ARHGAP21: variants seen among roughly 807,000 people sequenced by gnomAD.
ARHGAP21 encodes Rho GTPase activating protein 21.
A neutral mutation model predicts 164.6 loss-of-function variants in ARHGAP21; 38 were observed. The ratio of observed to expected loss-of-function variants is 0.23; its 90% CI spans 0.18 to 0.30. ARHGAP21 has a LOEUF of 0.30. Ranked by LOEUF, ARHGAP21 falls within the 10% of genes least tolerant of loss-of-function variation. The pLI is 1.00. For synonymous variants in ARHGAP21, 766 were observed against 857.9 expected (o/e 0.89, Z 1.87); for missense variants, 1,822 against 2,370.7 (o/e 0.77, Z 4.81).
At chr10:24,717,546 A>G (rs998554221) in intron 2 of ARHGAP21, among the ~76,000 whole-genome samples, 17 of 152,146 alleles carry the variant, frequency 1.1e-4, no homozygotes, top group African/African-American at 3.9e-4. Flanking sequence ...TATGATGAGT[A>G]AAAATCAGCC....
chr10:24,669,893 C>T (rs1840535083), intron 3 of ARHGAP21, among the ~76,000 whole-genome samples: 1 of 152,042 alleles, frequency 6.6e-6, no homozygotes, highest in African/African-American at 2.4e-5. Flanking sequence ...GCATAGTCTG[C>T]CCAGAAAACT....
At position 24,685,650 on chromosome 10, in the gene ARHGAP21, C is replaced by T. The variant is rs574681958; in HGVS notation, c.64-15253G>A. ...CAGCACTTTGGGAGGCCGAGGTGGG[C>T]GGATCACTTGAGGTCAGGAGTTCAA... On this transcript the variant is annotated intron_variant, in intron 2 of 25. Coordinates refer to ENST00000396432, the MANE Select transcript of ARHGAP21 (RefSeq NM_020824.4). Among the ~76,000 whole-genome samples the T allele has an allele frequency of 2.8e-3, 428 of 151,650 alleles. 2 individuals carry two copies. The highest frequency in any genetic ancestry group is 9.6e-3 in the African/African-American group (398 of 41,328).
At chr10:24,589,519 C>T (rs1187436403) in intron 24 of ARHGAP21, 5 of 479,594 alleles carry the variant, frequency 1.0e-5, no homozygotes, top group Non-Finnish European at 1.8e-5. Context: ...GCAGAACCAG[C>T]TCAATGATAG....
At chr10:24,640,788 A>G (rs1011484833) in intron 4 of ARHGAP21, among the ~76,000 whole-genome samples, 10 of 152,048 alleles carry the variant, frequency 6.6e-5, no homozygotes, top group South Asian at 2.1e-4. Context: ...ACTGCCACAG[A>G]AAAAAAACAG....
intron 24 of ARHGAP21, chr10:24,590,055 G>T: frequency 2.0e-6 from 1 of 499,852 alleles, no homozygotes; most frequent in Non-Finnish European, 2.8e-6. Flanking sequence ...GTAGGAAGGG[G>T]CTAGCAATAT....
rs201814092 is a variant in ARHGAP21, at chr10:24,586,041, A to G, written c.4248T>C (p.Ala1416=). 76 of 1,614,098 alleles carry G rather than the reference A, an allele frequency of 4.7e-5. No homozygotes were observed. The highest frequency in any genetic ancestry group is 1.7e-4 in the Admixed American group (10 of 60,014). Residue 1416 remains alanine, a synonymous_variant, in exon 26 of 26, where the codon GCT becomes GCC. Coordinates refer to ENST00000396432, the MANE Select transcript of ARHGAP21 (RefSeq NM_020824.4). ...RELLVSSIFA[A]ASRKRKKPKE... ...TCGGCTTCTTCCTCTTGCGACTAGC[A>G]GCTGCAAAGATGGAGGACACAAGCA...
intron 6 of ARHGAP21, among the ~76,000 whole-genome samples, chr10:24,630,370 A>C (rs1008874637): frequency 6.6e-6 from 1 of 152,252 alleles, no homozygotes; most frequent in Non-Finnish European, 1.5e-5. Flanking sequence ...ACAAACTCTT[A>C]ACAATATCAG....
Position 24,624,337 on chromosome 10 carries a change from C to CTTTTTT in ARHGAP21, c.496-1581_496-1576dup, listed in dbSNP as rs565872094. Among the ~76,000 whole-genome samples, 460 of 102,860 alleles carry CTTTTTT rather than the reference C, an allele frequency of 4.5e-3. 44 individuals are homozygous for CTTTTTT. Among genetic ancestry groups the CTTTTTT allele is most frequent in the East Asian group, 0.013 (47 of 3,520 alleles). 67.5% of individuals were successfully genotyped at this position (102,860 alleles called of 152,430 possible). On this transcript the variant is annotated intron_variant, in intron 7 of 25. Transcript: ENST00000396432. ...CTGCCTGGGAAATGCTGTTCTAGAA[C>CTTTTTT]TTTTTTTTTTTTTTTTTTTTGAGAC...
In ARHGAP21 at chr10:24,633,444, A is replaced by G. The variant is rs1283719072; in HGVS notation, c.398T>C (p.Ile133Thr). 4.3e-6 allele frequency: 7 copies of G among 1,611,876 alleles called. No individual in the cohort carries two copies. The highest frequency in any genetic ancestry group is 5.9e-6 in the Non-Finnish European group (7 of 1,179,002). Residue 133 changes from isoleucine to threonine, a missense_variant, in exon 6 of 26, where the codon ATT becomes ACT. Around this residue, in one of 5 missense-constraint regions of ARHGAP21, gnomAD observed 1,090 missense variants for 1,378.9 expected, o/e 0.79. Transcript: ENST00000396432. ...RIIKVNGESV[I>T]GKTYSQVIAL... ...AATTACTTGGGAATAGGTTTTGCCA[A>G]TAACACTTTCTCCATTGACTTTTAT...
At chr10:24,616,319 G>A (rs1275266643) in intron 9 of ARHGAP21, among the ~76,000 whole-genome samples, 4 of 152,118 alleles carry the variant, frequency 2.6e-5, no homozygotes, top group African/African-American at 9.7e-5. Context: ...AGAAGGGCTG[G>A]GTGCTCATTG....
At chr10:24,589,054 C>G (rs992293496) in intron 25 of ARHGAP21, among the ~76,000 whole-genome samples, 1 of 152,074 alleles carries the variant, frequency 6.6e-6, no homozygotes, top group African/African-American at 2.4e-5. Flanking sequence ...TATGCTAAAA[C>G]TGCACAATGA....
At chr10:24,614,407 G>A (rs1170011925) in intron 9 of ARHGAP21, among the ~76,000 whole-genome samples, 1 of 152,102 alleles carries the variant, frequency 6.6e-6, no homozygotes, top group Non-Finnish European at 1.5e-5. Flanking sequence ...TTGTTAGGGG[G>A]CTTTTGAGAT....
chr10:24,596,414 C>A (rs529843227), intron 17 of ARHGAP21: 3 of 485,118 alleles, frequency 6.2e-6, no homozygotes, highest in African/African-American at 6.1e-5. Flanking sequence ...TATGCACATA[C>A]ATTTACATGT....
chr10:24,585,796 G>T lies in ARHGAP21; in HGVS notation c.4493C>A (p.Thr1498Lys), dbSNP rs144805251. 3.7e-6 allele frequency: 6 copies of T among 1,613,894 alleles called. No homozygotes were observed. Among genetic ancestry groups the T allele is most frequent in the Non-Finnish European group, 3.4e-6 (4 of 1,179,858 alleles). Reference sequence around the variant, plus strand: ...TGGTGGTGAGGGTTCTTCAGAAGGCGTGCTCTCTTTTCCTAGTGATATCTT... The same window carrying T: ...TGGTGGTGAGGGTTCTTCAGAAGGCTTGCTCTCTTTTCCTAGTGATATCTT... Reference protein sequence around the residue: ...DEKISLGKESTPSEEPSPPHN... With the variant: ...DEKISLGKESKPSEEPSPPHN... Residue 1498 changes from threonine (T) to lysine (K), a missense_variant, in exon 26 of 26, where the codon ACG becomes AAG. Around this residue, in one of 5 missense-constraint regions of ARHGAP21, gnomAD observed 333 missense variants for 383.9 expected, o/e 0.87. Coordinates refer to ENST00000396432, the MANE Select transcript of ARHGAP21 (RefSeq NM_020824.4).
rs2076015382 is a variant in ARHGAP21 at position 24,584,471 on chromosome 10, G to A, written c.5818C>T (p.Gln1940Ter). Residue 1940 changes from glutamine to a stop codon, truncating the protein, a stop_gained, in exon 26 of 26, where the codon CAA (glutamine) becomes TAA (stop). Coordinates refer to ENST00000396432, the MANE Select transcript of ARHGAP21 (RefSeq NM_020824.4). LOFTEE classifies it low-confidence loss of function (END_TRUNC). ...SKNASSAANAQPHKLSETPGS... is the reference protein window; with the variant it reads ...SKNASSAANA ...GGGGTTTCAGACAGTTTATGAGGTT[G>A]GGCATTCGCTGCAGAACTAGCATTT... 1 of 1,613,716 alleles carries A rather than the reference G, an allele frequency of 6.2e-7. No homozygotes were observed. Among genetic ancestry groups the A allele is most frequent in the Non-Finnish European group, 8.5e-7 (1 of 1,179,826 alleles).
chr10:24,596,198 AC>A, intron 17 of ARHGAP21, 155 bp from the exon 18 acceptor site: 1 of 615,608 alleles, frequency 1.6e-6, no homozygotes, highest in Non-Finnish European at 2.6e-6. Flanking sequence ...AATAGATAAA[AC>A]CTGCAAGAGA....
chr10:24,657,066 A>T (rs1839092742), intron 4 of ARHGAP21, among the ~76,000 whole-genome samples: 2 of 45,672 alleles, frequency 4.4e-5, no homozygotes, highest in South Asian at 1.2e-3. Context: ...TCCGGGAGGG[A>T]GGTGGGGGTG....
chr10:24,660,029 C>T (rs1839510711), intron 4 of ARHGAP21, among the ~76,000 whole-genome samples: 1 of 152,106 alleles, frequency 6.6e-6, no homozygotes, highest in Non-Finnish European at 1.5e-5. Flanking sequence ...AATTAGCTGC[C>T]ACCACCACCA....
chr10:24,586,831 C>G (rs979424445), intron 25 of ARHGAP21, among the ~76,000 whole-genome samples: 5 of 152,046 alleles, frequency 3.3e-5, no homozygotes, highest in Non-Finnish European at 7.4e-5. Context: ...GCAGATTGCT[C>G]GAGCCCAGAA....
Sources: allele counts gnomAD v4.1 joint callset (sites outside exome capture counted in the v4.1 genomes callset), GRCh38; gene constraint gnomAD v4.1.1; regional missense constraint gnomAD v4.1.1; transcripts MANE v1.5; gene names NCBI Gene and HGNC (gene_info 2026-07-23, HGNC 2026-07-21).